ZNF335: variants seen among roughly 807,000 people sequenced by gnomAD.
The protein encoded by ZNF335 is NRC-interacting factor 1.
In ZNF335, 84 loss-of-function variants were observed where a neutral mutation model predicts 145.6. The observed-to-expected ratio is 0.58, with a 90% CI of 0.48 to 0.69. The LOEUF (loss-of-function observed/expected upper bound fraction) is 0.69, where lower values mean the gene tolerates loss of function less well. Among genes scored for constraint, ZNF335 ranks in the 30% least tolerant of loss-of-function variants. The pLI is 0.00. For synonymous variants in ZNF335, 761 were observed against 717.0 expected, an observed-to-expected ratio of 1.06 and a Z score of -0.98; for missense variants, 1,865 against 1,809.7, an observed-to-expected ratio of 1.03 and a Z score of -0.55.
At position 45,969,600 on chromosome 20, in the gene ZNF335, C is replaced by G; in HGVS notation, c.293G>C (p.Gly98Ala). The G allele has an allele frequency of 6.2e-7, 1 of 1,608,412 alleles. No homozygotes were observed. The change falls in exon 3 of 28, where the codon GGG becomes GCG. Residue 98 changes from glycine (G) to alanine (A), a missense_variant. By Grantham distance (60) the Gly-to-Ala change is moderately conservative (BLOSUM62 0). Coordinates refer to ENST00000322927, the MANE Select transcript of ZNF335 (RefSeq NM_022095.4). ...SSSVSHGPVA[G>A]VTGGPPALVH... ...AAGTGCTGGGGGACCGCCTGTCACC[C>G]CTGCCACTGGCCCATGAGACACAGA...
intron 7 of ZNF335, chr20:45,964,394 C>G (rs369374332): frequency 5.8e-6 from 1 of 171,324 alleles, no homozygotes; most frequent in Non-Finnish European, 1.2e-5. Context: ...ATCTAAGGCT[C>G]GGGAAGCAAT....
At chr20:45,950,933 C>T (rs6130976) in intron 20 of ZNF335, among the ~76,000 whole-genome samples, 5,795 of 152,078 alleles carry the variant, frequency 0.038, 210 homozygotes, top group African/African-American at 0.091. Context: ...TCTTGTTGCC[C>T]AGAGGCTGGA....
Position 45,969,418 on chromosome 20 carries a change from A to G in ZNF335, c.442+33T>C, listed in dbSNP as rs1231983441. On this transcript the variant is annotated intron_variant, in intron 3 of 27. Coordinates refer to ENST00000322927, the MANE Select transcript of ZNF335 (RefSeq NM_022095.4). ...ACAGCTGGCTGCCGGACACTGCAGG[A>G]AAACCCCTGTGGGGCTCCTCTGCCT... 4.1e-6 allele frequency: 6 copies of G among 1,478,776 alleles called. No homozygotes were observed. The South Asian group carries it at 7.1e-5, about 17-fold the overall frequency. 91.6% of individuals were successfully genotyped at this position (1,478,776 alleles called of 1,614,324 possible).
intron 3 of ZNF335, 120 bp from the exon 4 acceptor site, chr20:45,968,482 T>A (rs2084002076): frequency 1.1e-6 from 1 of 883,804 alleles, no homozygotes; most frequent in Non-Finnish European, 1.8e-6. Flanking sequence ...CTGGCTCCCA[T>A]GTGCGACTGC....
At chr20:45,960,403 G>T (rs1048205964) in intron 13 of ZNF335, 35 bp from the exon 14 acceptor site, 1 of 1,614,202 alleles carries the variant, frequency 6.2e-7, no homozygotes. Context: ...GCTCAGTAAT[G>T]AGCTGGGGAC....
chr20:45,968,020 G>C lies in ZNF335; in HGVS notation c.528C>G (p.Pro176=), dbSNP rs1298120842. The C allele has an allele frequency of 1.2e-6, 2 of 1,612,468 alleles. No individual in the cohort carries two copies. Among genetic ancestry groups the C allele is most frequent in the East Asian group, 2.2e-5 (1 of 44,870 alleles). Residue 176 remains proline (P), a synonymous_variant, in exon 5 of 28, where the codon CCC becomes CCG. Coordinates refer to ENST00000322927, the MANE Select transcript of ZNF335 (RefSeq NM_022095.4). ...TGGAACTGGACATTGGTGATGTCAT[G>C]GGGGCTCCTGGGGATGGGTGAGGCA... ...LILQGPDDGA[P]MTSPMSSSTL...
chr20:45,950,494 G>T lies in ZNF335; in HGVS notation c.3291C>A (p.His1097Gln), dbSNP rs1168881090. 6.2e-7 allele frequency: 1 copy of T among 1,614,220 alleles called. No homozygotes were observed. Among genetic ancestry groups the T allele is most frequent in the Admixed American group, 1.7e-5 (1 of 60,030 alleles). The change falls in exon 21 of 28, where the codon CAC (histidine) becomes CAA (glutamine). Residue 1097 changes from histidine to glutamine, a missense_variant. Transcript: ENST00000322927. ...KKDLRRHMLTHTKEKPFACHL... is the reference protein window; with the variant it reads ...KKDLRRHMLTQTKEKPFACHL... ...GGCATGCAAAAGGCTTCTCCTTTGT[G>T]TGAGTCAGCATGTGCCGACGCAGGT...
rs1600514503 is a variant in ZNF335, at chr20:45,948,794, C to T, written c.*159G>A. 4.1e-6 allele frequency: 5 copies of T among 1,211,676 alleles called. No individual in the cohort carries two copies. The highest frequency in any genetic ancestry group is 5.8e-6 in the Non-Finnish European group (5 of 858,396). 75.1% of individuals were successfully genotyped at this position (1,211,676 alleles called of 1,614,324 possible). A position where few individuals can be genotyped will look rare whatever the true frequency, so the allele number is the denominator to read the frequency against. On this transcript the variant is annotated 3_prime_UTR_variant, in exon 28 of 28. Coordinates refer to ENST00000322927, the MANE Select transcript of ZNF335 (RefSeq NM_022095.4). ...TGTCCTGGCTGGGGCCCATGGCTGC[C>T]CCTAACCCCAACAGCACAGGTCTGG...
Position 45,953,966 on chromosome 20 carries a change from G to C in ZNF335, c.2443-18C>G. ...ACAGCCACCTGCAACGGCACCAGGGGGCGGGATGGGAGGCACTGGTGGCAG... is the reference window on the plus strand; with the variant it reads ...ACAGCCACCTGCAACGGCACCAGGGCGCGGGATGGGAGGCACTGGTGGCAG... On this transcript the variant is annotated intron_variant, in intron 17 of 27. Transcript: ENST00000322927. 6.4e-7 allele frequency: 1 copy of C among 1,563,702 alleles called. No homozygotes were observed. The highest frequency in any genetic ancestry group is 1.9e-5 in the Admixed American group (1 of 52,508).
At position 45,952,456 on chromosome 20, in the gene ZNF335, G is replaced by A; in HGVS notation, c.2880C>T (p.Pro960=). The stretch of plus-strand genomic sequence containing the variant: ...TGGGCAGTCCCCCACACTGCAGCAG[G>A]GGCCATTTGGCACCAGAGGCCAGAG... ...PDALASGAKW[P]LLQCGGLPRD... The change falls in exon 20 of 28, where the codon CCC becomes CCT. Residue 960 remains proline, a synonymous_variant. Coordinates refer to ENST00000322927, the MANE Select transcript of ZNF335 (RefSeq NM_022095.4). 1 of 1,563,368 alleles carries A rather than the reference G, an allele frequency of 6.4e-7. No individual in the cohort carries two copies. Among genetic ancestry groups the A allele is most frequent in the Non-Finnish European group, 8.7e-7 (1 of 1,151,758 alleles).
At chr20:45,963,703 C>A in intron 8 of ZNF335, 35 bp downstream of exon 8, 1 of 1,614,008 alleles carries the variant, frequency 6.2e-7, no homozygotes, top group South Asian at 1.1e-5. Context: ...GGCTTAACCA[C>A]ATGCATGCCC....
Position 45,963,887 on chromosome 20 carries a change from GGCC to G in ZNF335, c.1203_1205del (p.Ala402del). 1.2e-6 allele frequency: 2 copies of G among 1,603,608 alleles called. No individual in the cohort carries two copies. The highest frequency in any genetic ancestry group is 1.7e-6 in the Non-Finnish European group (2 of 1,173,584). On this transcript the variant is annotated inframe_deletion, in exon 8 of 28. Transcript: ENST00000322927. ...CAGGGGTCCTGCTCACCTTGCCCAT[GGCC>G]ACCAGGTGTCCTGGGCCTGAGGAGC...
chr20:45,953,725 A>G lies in ZNF335; in HGVS notation c.2666T>C (p.Met889Thr). 6.2e-7 allele frequency: 1 copy of G among 1,614,066 alleles called. No homozygotes were observed. Among genetic ancestry groups the G allele is most frequent in the South Asian group, 1.1e-5 (1 of 91,092 alleles). Residue 889 changes from methionine to threonine, a missense_variant, in exon 18 of 28, where the codon ATG (methionine) becomes ACG (threonine). Transcript: ENST00000322927. ...TGYSVITAPP[M>T]EEGTSAPGTP... ...GCCAGGAGCTGATGTTCCCTCCTCC[A>G]TAGGGGGTGCTGTGATGACACTGTA... is the stretch of plus-strand genomic sequence containing the variant.
At position 45,950,382 on chromosome 20, in the gene ZNF335, G is replaced by T; in HGVS notation, c.3333-9C>A. 1 of 1,605,440 alleles carries T rather than the reference G, an allele frequency of 6.2e-7. No homozygotes were observed. The highest frequency in any genetic ancestry group is 8.5e-7 in the Non-Finnish European group (1 of 1,173,790). ...GCCCGTTACGGTTGAAACTGAGGGG[G>T]ATGAAAGGTGGCTCAGGTTAGCTCC... On this transcript the variant is annotated splice_polypyrimidine_tract_variant and intron_variant, in intron 21 of 27. Coordinates refer to ENST00000322927, the MANE Select transcript of ZNF335 (RefSeq NM_022095.4).
chr20:45,964,700 A>G (rs1338407611), intron 7 of ZNF335, among the ~76,000 whole-genome samples: 2 of 152,142 alleles, frequency 1.3e-5, no homozygotes, highest in East Asian at 3.9e-4. Flanking sequence ...AACTTTCCAT[A>G]CATATGTGCC....
At chr20:45,965,589 G>C in intron 7 of ZNF335, 39 bp downstream of exon 7, 2 of 1,572,578 alleles carry the variant, frequency 1.3e-6, no homozygotes, top group Middle Eastern at 2.3e-4. Context: ...GGCCACTCCT[G>C]ACCCACCCAC....
rs2083937208 is a variant in ZNF335 at position 45,965,622 on chromosome 20, C to G, written c.1102+6G>C. On this transcript the variant is annotated splice_donor_region_variant and intron_variant, in intron 7 of 27. Coordinates refer to ENST00000322927, the MANE Select transcript of ZNF335 (RefSeq NM_022095.4). ...CACACGAGCCCCTCCCAAGACCAAG[C>G]CTCACCATCTGGGAGGTCTGAGATC... 1 of 1,592,542 alleles carries G rather than the reference C, an allele frequency of 6.3e-7. No homozygotes were observed.
In ZNF335 at chr20:45,948,860, A is replaced by T; in HGVS notation, c.*93T>A. The T allele has an allele frequency of 6.3e-7, 1 of 1,581,988 alleles. No individual in the cohort carries two copies. The highest frequency in any genetic ancestry group is 8.6e-7 in the Non-Finnish European group (1 of 1,158,796). On this transcript the variant is annotated 3_prime_UTR_variant, in exon 28 of 28. Coordinates refer to ENST00000322927, the MANE Select transcript of ZNF335 (RefSeq NM_022095.4). ...AGGATGCTGGCTATCCAGTATCTGG[A>T]GATCCTAAATGAAGAGGGAGGTGAG...
Position 45,957,920 on chromosome 20 carries a change from TG to T in ZNF335, c.2261del (p.Pro754GlnfsTer47), listed in dbSNP as rs1568815014. The T allele has an allele frequency of 6.2e-7, 1 of 1,614,040 alleles. No individual in the cohort carries two copies. The highest frequency in any genetic ancestry group is 8.5e-7 in the Non-Finnish European group (1 of 1,180,006). ...PSSPGPPEIP[P>X]EATTFQSSEA... is the part of the protein sequence containing the mutation. ...CAGATGACTGGAAAGTTGTCGCCTC[TG>T]GGGGTATCTATGGGGTGGAGATATG... On this transcript the variant is annotated frameshift_variant, in exon 16 of 28. Transcript: ENST00000322927. LOFTEE classifies it high-confidence loss of function.
Sources: gnomAD v4.1 joint callset for allele counts (sites outside exome capture counted in the v4.1 genomes callset) on GRCh38, gnomAD v4.1.1 for gene constraint, MANE v1.5 for transcripts, NCBI Gene and HGNC (gene_info 2026-07-23, HGNC 2026-07-21) for gene names.